Variants in MBNL2 observed in about 807,000 individuals in gnomAD.
MBNL2 encodes the protein muscleblind-like protein 2.
Under a neutral mutation model 41.9 loss-of-function variants are expected in MBNL2, and 17 were observed. That is an observed-to-expected ratio of 0.41 (90% CI 0.28 to 0.61). MBNL2 has a LOEUF of 0.61. Ranked by LOEUF, MBNL2 falls within the 20% of genes least tolerant of loss-of-function variation. The pLI, the probability that MBNL2 is intolerant of heterozygous loss-of-function variation, is 0.35. For missense variants in MBNL2, 336 were observed against 505.6 expected (o/e 0.66, Z 3.22); for synonymous variants, 195 against 182.9 (o/e 1.07, Z -0.53).
intron 2 of MBNL2, among the ~76,000 whole-genome samples, chr13:97,281,706 C>T (rs919640677): frequency 3.3e-5 from 5 of 152,194 alleles, no homozygotes; most frequent in Admixed American, 2.0e-4. Flanking sequence ...TAATCTCAGA[C>T]AAATTGTTTA....
At chr13:97,280,706 T>C (rs2053220526) in intron 2 of MBNL2, among the ~76,000 whole-genome samples, 1 of 152,058 alleles carries the variant, frequency 6.6e-6, no homozygotes, top group African/African-American at 2.4e-5. Flanking sequence ...TCCAACCCAC[T>C]CCAGCCACGC....
rs2063749959 is a variant in MBNL2 at position 97,365,136 on chromosome 13, G to A, written c.1013G>A (p.Gly338Glu). Residue 338 changes from glycine (G) to glutamate (E), a missense_variant and splice_region_variant, in exon 8 of 9, where the codon GGG becomes GAG. Transcript: ENST00000679496. ...TCCACCCACCATTGCATGACATCAG[G>A]GTCAGTTTTGTGCATGACACCCGCT... ...LQQHAAFIPT[G>E]SVLCMTPATS... 1.2e-6 allele frequency: 2 copies of A among 1,603,154 alleles called. No homozygotes were observed. Among genetic ancestry groups the A allele is most frequent in the Admixed American group, 3.3e-5 (2 of 59,972 alleles).
intron 1 of MBNL2, among the ~76,000 whole-genome samples, chr13:97,251,776 C>T (rs1435239521): frequency 1.4e-5 from 2 of 148,078 alleles, no homozygotes; most frequent in African/African-American, 2.5e-5. Flanking sequence ...ACAATACTTA[C>T]TGAAGAATAA....
the MBNL2 span, among the ~76,000 whole-genome samples, chr13:97,162,079 G>C: frequency 6.6e-6 from 1 of 152,284 alleles, no homozygotes; most frequent in South Asian, 2.1e-4. Flanking sequence ...ACTGGCGTAG[G>C]AGGAAGAGGA....
chr13:97,193,187 G>T, the MBNL2 span, among the ~76,000 whole-genome samples: 1 of 152,206 alleles, frequency 6.6e-6, no homozygotes, highest in South Asian at 2.1e-4. Flanking sequence ...AAACCCAGCA[G>T]GTGAGAAAGG....
At chr13:97,280,346 G>A (rs967903681) in intron 2 of MBNL2, among the ~76,000 whole-genome samples, 6 of 151,972 alleles carry the variant, frequency 3.9e-5, no homozygotes, top group East Asian at 1.9e-4. Flanking sequence ...TACCACTTTC[G>A]GGAAGTATTT....
the MBNL2 span, among the ~76,000 whole-genome samples, chr13:97,157,881 A>C: frequency 4.4e-4 from 67 of 151,314 alleles, no homozygotes; most frequent in Admixed American, 1.1e-3. Flanking sequence ...CTCTGCCCGG[A>C]TTTGGTATCA....
At chr13:97,300,634 A>C (rs2152999994) in intron 2 of MBNL2, among the ~76,000 whole-genome samples, 2 of 152,240 alleles carry the variant, frequency 1.3e-5, no homozygotes, top group East Asian at 3.9e-4. Flanking sequence ...TAACCTCCGA[A>C]CTGACCTCTC....
chr13:97,292,069 C>T (rs1398396817), intron 2 of MBNL2, among the ~76,000 whole-genome samples: 7 of 151,154 alleles, frequency 4.6e-5, no homozygotes, highest in African/African-American at 1.5e-4. Context: ...GGTGTGATGG[C>T]GGGCGCCTGT....
intron 2 of MBNL2, among the ~76,000 whole-genome samples, chr13:97,310,720 AG>A (rs1354480824): frequency 6.6e-6 from 1 of 151,148 alleles, no homozygotes; most frequent in Non-Finnish European, 1.5e-5. Context: ...TGAACCACTG[AG>A]CCCGGCCTAT....
the MBNL2 span, among the ~76,000 whole-genome samples, chr13:97,181,662 A>G: frequency 6.6e-6 from 1 of 152,218 alleles, no homozygotes; most frequent in South Asian, 2.1e-4. Context: ...CAGTCTAAGC[A>G]TGACTTTGGT....
At chr13:97,198,018 C>G in the MBNL2 span, among the ~76,000 whole-genome samples, 3 of 152,124 alleles carry the variant, frequency 2.0e-5, no homozygotes, top group Non-Finnish European at 2.9e-5. Context: ...ATAGGCATCT[C>G]CCATGGTTGA....
At chr13:97,255,036 C>T (rs1389273717) in intron 1 of MBNL2, among the ~76,000 whole-genome samples, 1 of 152,156 alleles carries the variant, frequency 6.6e-6, no homozygotes, top group African/African-American at 2.4e-5. Flanking sequence ...TGAACCTGTG[C>T]TTCTGCTGCA....
At chr13:97,205,396 AT>A in the MBNL2 span, among the ~76,000 whole-genome samples, 594 of 151,802 alleles carry the variant, frequency 3.9e-3, 7 homozygotes, top group Admixed American at 5.6e-3. Context: ...TCTAAAAAAA[AT>A]AAAAAATAAA....
At chr13:97,225,007 A>C (rs2041387904) in intron 1 of MBNL2, among the ~76,000 whole-genome samples, 1 of 152,274 alleles carries the variant, frequency 6.6e-6, no homozygotes, top group African/African-American at 2.4e-5. Flanking sequence ...GGAGTAAATA[A>C]GAGAAAAAAC....
At chr13:97,178,715 G>A in the MBNL2 span, among the ~76,000 whole-genome samples, 1 of 152,056 alleles carries the variant, frequency 6.6e-6, no homozygotes, top group Admixed American at 6.6e-5. Context: ...GGGCATCATG[G>A]TGAGACCCTG....
chr13:97,227,120 G>A (rs2041759073), intron 1 of MBNL2, among the ~76,000 whole-genome samples: 1 of 151,674 alleles, frequency 6.6e-6, no homozygotes, highest in African/African-American at 2.4e-5. Flanking sequence ...TTATTTGTTG[G>A]TTTTACCCTA....
chr13:97,352,824 C>T (rs1436825534), intron 5 of MBNL2, among the ~76,000 whole-genome samples: 3 of 152,196 alleles, frequency 2.0e-5, no homozygotes, highest in Non-Finnish European at 4.4e-5. Context: ...TAATAGTGAC[C>T]TTAGGGCTGA....
At chr13:97,258,672 C>T (rs1204747637) in intron 1 of MBNL2, among the ~76,000 whole-genome samples, 5 of 152,180 alleles carry the variant, frequency 3.3e-5, no homozygotes, top group African/African-American at 9.7e-5. Flanking sequence ...CTTGGATCCT[C>T]CAAGCCACAT....
Sources: allele counts gnomAD v4.1 joint callset (sites outside exome capture counted in the v4.1 genomes callset), GRCh38; gene constraint gnomAD v4.1.1; transcripts MANE v1.5; gene names NCBI Gene and HGNC (gene_info 2026-07-23, HGNC 2026-07-21).